The following PLOD2 variants were observed in gnomAD, a reference collection of about 807,000 sequenced individuals.
PLOD2 encodes the protein lysine hydroxylase 2.
A neutral mutation model predicts 101.0 loss-of-function variants in PLOD2; 65 were observed. The ratio of observed to expected loss-of-function variants is 0.64; its 90% CI spans 0.53 to 0.79. The LOEUF is 0.79. Among genes scored for constraint, PLOD2 ranks in the 30% least tolerant of loss-of-function variants. PLOD2 has a pLI of 0.00. For synonymous variants in PLOD2, 314 were observed against 302.9 expected (o/e 1.04, Z -0.38); for missense variants, 909 against 914.6 (o/e 0.99, Z 0.08).
chr3:146,071,531 G>A (rs547609791), intron 17 of PLOD2, 108 bp from the exon 18 acceptor site: 1 of 1,082,720 alleles, frequency 9.2e-7, no homozygotes. Context: ...AAAAATAACA[G>A]TTGTTCCAAT....
chr3:146,137,613 C>A (rs1268772222), intron 1 of PLOD2, among the ~76,000 whole-genome samples: 1 of 152,154 alleles, frequency 6.6e-6, no homozygotes, highest in Admixed American at 6.5e-5. Flanking sequence ...AATGTCCTTG[C>A]TCAGTGCTTT....
chr3:146,096,081 G>A (rs1937147439), intron 7 of PLOD2, among the ~76,000 whole-genome samples: 1 of 150,224 alleles, frequency 6.7e-6, no homozygotes, highest in Non-Finnish European at 1.5e-5. Context: ...TGGAGACGGG[G>A]TTTCGCTGTG....
At chr3:146,072,691 A>C in intron 16 of PLOD2, 26 bp from the exon 17 acceptor site, 1 of 1,348,494 alleles carries the variant, frequency 7.4e-7, no homozygotes, top group Non-Finnish European at 1.1e-6. Flanking sequence ...CATCGTTAGA[A>C]GACATAATAA....
chr3:146,152,022 T>A (rs2032080345), intron 1 of PLOD2, among the ~76,000 whole-genome samples: 1 of 152,232 alleles, frequency 6.6e-6, no homozygotes, highest in South Asian at 2.1e-4. Context: ...TAAACTAATG[T>A]AGATTTACTA....
chr3:146,148,486 G>C lies in PLOD2; in HGVS notation c.109+12395C>G, dbSNP rs548095144. The stretch of plus-strand genomic sequence containing the variant: ...GAGAAAAAAATGACTTCAAAGTTTT[G>C]AAGTTCAAAGTTAGAGGTCTCTAGT... On this transcript the variant is annotated intron_variant, in intron 1 of 19. Transcript: ENST00000282903. Among the ~76,000 whole-genome samples the C allele has an allele frequency of 2.0e-5, 3 of 152,170 alleles. No homozygotes were observed. The South Asian group carries it at 6.2e-4, about 32-fold the overall frequency.
At chr3:146,128,097 G>A (rs933456329) in intron 1 of PLOD2, among the ~76,000 whole-genome samples, 2 of 151,966 alleles carry the variant, frequency 1.3e-5, no homozygotes, top group Non-Finnish European at 2.9e-5. Context: ...TAAGGATAAG[G>A]AAAGATAAAA....
intron 1 of PLOD2, among the ~76,000 whole-genome samples, chr3:146,159,417 G>T (rs2032458526): frequency 6.6e-6 from 1 of 152,154 alleles, no homozygotes; most frequent in African/African-American, 2.4e-5. Flanking sequence ...TAGGGGTGTT[G>T]GCAATGAAGT....
At chr3:146,093,940 T>C (rs531151093) in intron 7 of PLOD2, among the ~76,000 whole-genome samples, 2 of 152,298 alleles carry the variant, frequency 1.3e-5, no homozygotes, top group East Asian at 3.9e-4. Context: ...TTTAGAAACA[T>C]TACTTTTGAC....
intron 1 of PLOD2, among the ~76,000 whole-genome samples, chr3:146,150,805 T>C (rs2108140397): frequency 6.6e-6 from 1 of 152,282 alleles, no homozygotes; most frequent in Non-Finnish European, 1.5e-5. Flanking sequence ...AACAGATGAA[T>C]ATAAGTTTAT....
At chr3:146,147,933 T>C (rs944984106) in intron 1 of PLOD2, among the ~76,000 whole-genome samples, 26 of 152,240 alleles carry the variant, frequency 1.7e-4, no homozygotes, top group African/African-American at 6.3e-4. Flanking sequence ...AACCCAGGGT[T>C]TCCAGGCCTT....
chr3:146,129,208 G>A, intron 1 of PLOD2, among the ~76,000 whole-genome samples: 1 of 152,094 alleles, frequency 6.6e-6, no homozygotes, highest in East Asian at 1.9e-4. Flanking sequence ...GCATAATAGA[G>A]ATGTTGAGAA....
intron 1 of PLOD2, among the ~76,000 whole-genome samples, chr3:146,143,388 T>A (rs952971063): frequency 6.6e-6 from 1 of 151,734 alleles, no homozygotes; most frequent in Admixed American, 6.6e-5. Flanking sequence ...ATTTTAAGAA[T>A]AAAATTTGGA....
intron 7 of PLOD2, among the ~76,000 whole-genome samples, chr3:146,095,465 T>C (rs979513356): frequency 9.9e-5 from 15 of 151,668 alleles, no homozygotes; most frequent in African/African-American, 3.6e-4. Flanking sequence ...AAAAAGCTCA[T>C]CATCACTGGT....
intron 4 of PLOD2, among the ~76,000 whole-genome samples, chr3:146,107,032 C>T (rs943919704): frequency 5.3e-5 from 8 of 152,124 alleles, no homozygotes; most frequent in Non-Finnish European, 1.2e-4. Flanking sequence ...GGATTCTCTG[C>T]GGAGAACTCA....
chr3:146,101,714 A>T (rs575314512), intron 7 of PLOD2, among the ~76,000 whole-genome samples: 1 of 152,202 alleles, frequency 6.6e-6, no homozygotes, highest in East Asian at 1.9e-4. Context: ...ATTGAAGAGG[A>T]TGTTCTACCT....
rs748422284 is a variant in PLOD2 at position 146,071,089 on chromosome 3, T to C, written c.2074A>G (p.Thr692Ala). 3 of 1,609,172 alleles carry C rather than the reference T, an allele frequency of 1.9e-6. No homozygotes were observed. Among genetic ancestry groups the C allele is most frequent in the South Asian group, 2.2e-5 (2 of 90,956 alleles). ...RSLRPHHDAS[T>A]FTINIALNNV... ...TTAAGTGCAATGTTTATGGTAAATGTAGAAGCATCATGATGAGGACGAAGA... is the reference window on the plus strand; with the variant it reads ...TTAAGTGCAATGTTTATGGTAAATGCAGAAGCATCATGATGAGGACGAAGA... The change falls in exon 19 of 20, where the codon ACA (threonine) becomes GCA (alanine). Residue 692 changes from threonine (T) to alanine (A), a missense_variant. By Grantham distance (58) the Thr-to-Ala change is moderately conservative. Coordinates refer to ENST00000282903, the MANE Select transcript of PLOD2 (RefSeq NM_182943.3).
At chr3:146,106,014 CAGTT>C in intron 5 of PLOD2, among the ~76,000 whole-genome samples, 1 of 152,248 alleles carries the variant, frequency 6.6e-6, no homozygotes, top group Non-Finnish European at 1.5e-5. Context: ...TAATAAATGA[CAGTT>C]ATTTATTCAA....
chr3:146,146,769 C>T (rs1450411260), intron 1 of PLOD2, among the ~76,000 whole-genome samples: 1 of 152,200 alleles, frequency 6.6e-6, no homozygotes, highest in East Asian at 1.9e-4. Flanking sequence ...GCTATTTCTG[C>T]TATTCTAGAA....
intron 15 of PLOD2, among the ~76,000 whole-genome samples, chr3:146,074,408 G>C (rs941878790): frequency 6.6e-6 from 1 of 151,436 alleles, no homozygotes; most frequent in Non-Finnish European, 1.5e-5. Flanking sequence ...TTTGAGGCTA[G>C]ATTTTAGGGG....
Sources: allele counts gnomAD v4.1 joint callset (sites outside exome capture counted in the v4.1 genomes callset), GRCh38; gene constraint gnomAD v4.1.1; transcripts MANE v1.5; gene names NCBI Gene and HGNC (gene_info 2026-07-23, HGNC 2026-07-21).